STKLD1: variants seen among roughly 807,000 people sequenced by gnomAD.
STKLD1 encodes serine/threonine kinase-like domain-containing protein STKLD1.
STKLD1 carries 79 observed loss-of-function variants against 80.4 expected under a neutral mutation model. The ratio of observed to expected loss-of-function variants is 0.98; its 90% CI spans 0.82 to 1.19. STKLD1 has a LOEUF of 1.19. Ranked by LOEUF, STKLD1 falls within the 50% of genes most tolerant of loss-of-function variation. The pLI is 0.00. For synonymous variants in STKLD1, 393 were observed against 357.6 expected (o/e 1.10, Z -1.12); for missense variants, 841 against 856.0 (o/e 0.98, Z 0.22).
chr9:133,393,085 G>A (rs587694865), intron 7 of STKLD1, among the ~76,000 whole-genome samples: 3,442 of 128,332 alleles, frequency 0.027, 120 homozygotes, highest in Non-Finnish European at 0.047. Flanking sequence ...ATGGGTGGGT[G>A]GGTGCATGTG....
chr9:133,387,949 C>G, intron 5 of STKLD1: 1 of 427,882 alleles, frequency 2.3e-6, no homozygotes, highest in Non-Finnish European at 4.7e-6. Flanking sequence ...ATCATGTGTT[C>G]ATTGCTTGCT....
At chr9:133,401,379 A>G (rs1003531715) in intron 12 of STKLD1, among the ~76,000 whole-genome samples, 3 of 151,846 alleles carry the variant, frequency 2.0e-5, no homozygotes, top group African/African-American at 7.2e-5. Context: ...ATCGTGATCC[A>G]CCCGCCTCAG....
chr9:133,405,525 A>T lies in STKLD1; in HGVS notation c.*104A>T. ...CTATGACTGGGCCAAAATCAATCTTAAACGGGAGGGGTAATCAGACCTCTC... is the reference window on the plus strand; with the variant it reads ...CTATGACTGGGCCAAAATCAATCTTTAACGGGAGGGGTAATCAGACCTCTC... On this transcript the variant is annotated 3_prime_UTR_variant, in exon 18 of 18. Coordinates refer to ENST00000371957, the MANE Select transcript of STKLD1 (RefSeq NM_153710.5). 1 of 1,212,976 alleles carries T rather than the reference A, an allele frequency of 8.2e-7. No individual in the cohort carries two copies. The highest frequency in any genetic ancestry group is 1.1e-6 in the Non-Finnish European group (1 of 892,918). The allele number at this position is 1,212,976 out of a possible 1,614,324, so 75.1% of individuals were successfully genotyped here. A position where few individuals can be genotyped will look rare whatever the true frequency, so the allele number is the denominator to read the frequency against.
chr9:133,403,665 C>G, intron 14 of STKLD1, 35 bp from the exon 15 acceptor site: 1 of 1,602,640 alleles, frequency 6.2e-7, no homozygotes, highest in Non-Finnish European at 8.5e-7. Context: ...CACCCAAGGC[C>G]TGGGTGTCCC....
intron 14 of STKLD1, 68 bp downstream of exon 14, chr9:133,403,080 CCT>C (rs1238237902): frequency 4.7e-6 from 7 of 1,480,250 alleles, no homozygotes; most frequent in South Asian, 2.6e-5. Context: ...CCTAACTGCC[CCT>C]GAGAGCCTTC....
In STKLD1 at chr9:133,403,998, T is replaced by C. The variant is rs1838776271; in HGVS notation, c.1682T>C (p.Leu561Pro). The C allele has an allele frequency of 6.2e-7, 1 of 1,612,066 alleles. No homozygotes were observed. The highest frequency in any genetic ancestry group is 8.5e-7 in the Non-Finnish European group (1 of 1,179,378). ...ATCCGGCTGTGCCAGGACAGAGCCC[T>C]GCTGGTGAACAATGCCTACCGGGGA... is the stretch of plus-strand genomic sequence containing the variant. ...QSIRLCQDRA[L>P]LVNNAYRGLA... The change falls in exon 16 of 18, where the codon CTG becomes CCG. Residue 561 changes from leucine (L) to proline (P), a missense_variant. By Grantham distance (98) the Leu-to-Pro change is moderately conservative. Coordinates refer to ENST00000371957, the MANE Select transcript of STKLD1 (RefSeq NM_153710.5).
intron 1 of STKLD1, among the ~76,000 whole-genome samples, chr9:133,378,624 G>A (rs587599882): frequency 6.6e-6 from 1 of 152,250 alleles, no homozygotes; most frequent in African/African-American, 2.4e-5. Context: ...GCACACAATG[G>A]CTTCCTGATT....
rs368418553 is a variant in STKLD1 at position 133,404,091 on chromosome 9, G to A, written c.1732+43G>A. On this transcript the variant is annotated intron_variant, in intron 16 of 17. Coordinates refer to ENST00000371957, the MANE Select transcript of STKLD1 (RefSeq NM_153710.5). ...ACGAGGCTGCCACCTAGAGGTGGGGGCAAGAATCAGCCCCCATCAGTTACA... is the reference window on the plus strand; with the variant it reads ...ACGAGGCTGCCACCTAGAGGTGGGGACAAGAATCAGCCCCCATCAGTTACA... 10 of 1,523,240 alleles carry A rather than the reference G, an allele frequency of 6.6e-6. No homozygotes were observed. In the African/African-American group the frequency reaches 1.3e-4, roughly 19 times the overall value. The allele number at this position is 1,523,240 out of a possible 1,614,324, so 94.4% of individuals were successfully genotyped here. A position where few individuals can be genotyped will look rare whatever the true frequency, so the allele number is the denominator to read the frequency against.
intron 16 of STKLD1, 55 bp downstream of exon 16, chr9:133,404,103 C>A: frequency 6.7e-7 from 1 of 1,503,224 alleles, no homozygotes; most frequent in South Asian, 1.3e-5. Flanking sequence ...AAGAATCAGC[C>A]CCCATCAGTT....
In STKLD1 at chr9:133,384,128, T is replaced by G; in HGVS notation, c.219+228T>G. The G allele has an allele frequency of 1.1e-5, 6 of 542,650 alleles. No homozygotes were observed. The highest frequency in any genetic ancestry group is 3.1e-5 in the East Asian group (1 of 31,958). 33.6% of individuals were successfully genotyped at this position (542,650 alleles called of 1,614,324 possible). On this transcript the variant is annotated intron_variant, in intron 3 of 17. Transcript: ENST00000371957. This position sits in a 1 kb window ranked among gnomAD's most constrained non-coding sequence, Gnocchi z 4.3. ...AGGTGCCGACAACTTAGAACATATG[T>G]TCCCAGAGAACATAAAATTTAAATA... is the stretch of plus-strand genomic sequence containing the variant.
At chr9:133,393,228 T>TGGA (rs1396711710) in intron 7 of STKLD1, among the ~76,000 whole-genome samples, 1 of 73,608 alleles carries the variant, frequency 1.4e-5, no homozygotes, top group Non-Finnish European at 3.1e-5. Context: ...GGATGGATGG[T>TGGA]TGGACGGATG....
chr9:133,399,899 G>T (rs114255086), intron 11 of STKLD1, among the ~76,000 whole-genome samples: 1 of 151,774 alleles, frequency 6.6e-6, no homozygotes, highest in Non-Finnish European at 1.5e-5. Context: ...AAAAAAGAGG[G>T]GGGGGTCTTG....
In STKLD1 at chr9:133,390,380, T is replaced by C. The variant is rs1302590681; in HGVS notation, c.468-301T>C. Among the ~76,000 whole-genome samples, 3 of 152,130 alleles carry C rather than the reference T, an allele frequency of 2.0e-5. No individual in the cohort carries two copies. Among genetic ancestry groups the C allele is most frequent in the African/African-American group, 7.2e-5 (3 of 41,426 alleles). ...TAGCTGAGATATCTAAGGAGGTGAA[T>C]GTGTCAATTAAGGGGCCTCTTCGGA... On this transcript the variant is annotated intron_variant, in intron 6 of 17. Coordinates refer to ENST00000371957, the MANE Select transcript of STKLD1 (RefSeq NM_153710.5). The surrounding 1 kb of genome is among the most constrained non-coding windows in gnomAD (Gnocchi z 5.1).
In STKLD1 at chr9:133,400,455, C is replaced by A; in HGVS notation, c.1124C>A (p.Thr375Asn). ...GAGCTGGTGGAGGTGGTGGTCACGA[C>A]CATGGAGCTACATGACAGGGTCCTC... is the stretch of plus-strand genomic sequence containing the variant. ...PPELVEVVVT[T>N]MELHDRVLDV... is the part of the protein sequence containing the mutation. Residue 375 changes from threonine to asparagine, a missense_variant, in exon 12 of 18, where the codon ACC becomes AAC. Thr to Asn is a moderately conservative substitution (Grantham distance 65). Coordinates refer to ENST00000371957, the MANE Select transcript of STKLD1 (RefSeq NM_153710.5). 6.2e-7 allele frequency: 1 copy of A among 1,613,432 alleles called. No homozygotes were observed. The highest frequency in any genetic ancestry group is 8.5e-7 in the Non-Finnish European group (1 of 1,180,006).
chr9:133,397,368 TC>T, intron 10 of STKLD1, 74 bp downstream of exon 10: 1 of 1,583,868 alleles, frequency 6.3e-7, no homozygotes, highest in Non-Finnish European at 8.6e-7. Context: ...ATTGTTTAGT[TC>T]CAGAGGGTTC....
chr9:133,390,826 A>AG lies in STKLD1; in HGVS notation c.583+35dup, dbSNP rs11340207. 1 of 1,573,810 alleles carries AG rather than the reference A, an allele frequency of 6.4e-7. No individual in the cohort carries two copies. The highest frequency in any genetic ancestry group is 8.7e-7 in the Non-Finnish European group (1 of 1,144,240). ...CAGGGGCTCCCCCAGGTTGTGGGAGAGGGGGTTGGCGCCTAGAATCCAGGC... is the reference window on the plus strand; with the variant it reads ...CAGGGGCTCCCCCAGGTTGTGGGAGAGGGGGGTTGGCGCCTAGAATCCAGGC... On this transcript the variant is annotated intron_variant, in intron 7 of 17. Coordinates refer to ENST00000371957, the MANE Select transcript of STKLD1 (RefSeq NM_153710.5). This position sits in a 1 kb window ranked among gnomAD's most constrained non-coding sequence, Gnocchi z 5.1.
intron 2 of STKLD1, among the ~76,000 whole-genome samples, chr9:133,379,586 G>A (rs1838084982): frequency 6.6e-6 from 1 of 152,216 alleles, no homozygotes; most frequent in Non-Finnish European, 1.5e-5. Context: ...CAGGCCCAGA[G>A]AGGATGGGGA....
chr9:133,402,792 T>G, intron 13 of STKLD1, 86 bp from the exon 14 acceptor site: 3 of 1,448,292 alleles, frequency 2.1e-6, no homozygotes, highest in Non-Finnish European at 2.8e-6. Flanking sequence ...GCAGGTCAAA[T>G]GGGACTGCAG....
intron 16 of STKLD1, among the ~76,000 whole-genome samples, 164 bp downstream of exon 16, chr9:133,404,212 T>A (rs1031876383): frequency 6.6e-6 from 1 of 152,202 alleles, no homozygotes. Flanking sequence ...GAAATCACCA[T>A]CAAGACTTTC....
Sources: gnomAD v4.1 joint callset for allele counts (sites outside exome capture counted in the v4.1 genomes callset) on GRCh38, gnomAD v4.1.1 for gene constraint, Gnocchi (gnomAD v3.1) non-coding constraint, MANE v1.5 for transcripts, NCBI Gene and HGNC (gene_info 2026-07-23, HGNC 2026-07-21) for gene names.